Variants in ITGA6 observed in about 807,000 individuals in gnomAD.
The protein encoded by ITGA6 is integrin subunit alpha 6, also known as integrin alpha-6.
Under a neutral mutation model 133.6 loss-of-function variants are expected in ITGA6, and 63 were observed. The observed-to-expected ratio is 0.47, with a 90% CI of 0.38 to 0.58. The LOEUF is 0.58. ITGA6 is among the 20% of genes least tolerant of loss of function. ITGA6 has a pLI of 0.00. For synonymous variants in ITGA6, 434 were observed against 482.0 expected, an observed-to-expected ratio of 0.90 and a Z score of 1.30; for missense variants, 1,068 against 1,309.4, an observed-to-expected ratio of 0.82 and a Z score of 2.85.
intron 5 of ITGA6, among the ~76,000 whole-genome samples, chr2:172,473,773 T>A (rs892047127): frequency 6.6e-5 from 10 of 152,236 alleles, no homozygotes; most frequent in Non-Finnish European, 1.0e-4. Flanking sequence ...TGGAAATTGA[T>A]TCTTAAGATG....
chr2:172,462,190 C>T (rs1044704191), intron 1 of ITGA6, among the ~76,000 whole-genome samples: 4 of 152,188 alleles, frequency 2.6e-5, no homozygotes, highest in Non-Finnish European at 4.4e-5. Flanking sequence ...CGGTGGGTCC[C>T]AGGAGACCGG....
In ITGA6 at chr2:172,447,355, C is replaced by T. The variant is rs558338093; in HGVS notation, c.183-18184C>T. Reference sequence around the variant, plus strand: ...AAGTAGCTGGGATTGCAGGCGTCCACCACTATGCCCAGCTAATTTTTGTAT... The same window carrying T: ...AAGTAGCTGGGATTGCAGGCGTCCATCACTATGCCCAGCTAATTTTTGTAT... On this transcript the variant is annotated intron_variant, in intron 1 of 25. Coordinates refer to ENST00000684293, the MANE Select transcript of ITGA6 (RefSeq NM_000210.4). 3.3e-5 allele frequency among the ~76,000 whole-genome samples: 5 copies of T among 152,236 alleles called. No individual in the cohort carries two copies. The South Asian group carries it at 1.0e-3, about 32-fold the overall frequency.
chr2:172,445,627 C>T (rs1344579209), intron 1 of ITGA6, among the ~76,000 whole-genome samples: 2 of 139,704 alleles, frequency 1.4e-5, no homozygotes, highest in Non-Finnish European at 3.0e-5. Flanking sequence ...CCAGTCTGGG[C>T]GACAGAGTGA....
upstream of ITGA6, chr2:172,427,397 G>A (rs896851479): frequency 2.7e-5 from 27 of 1,016,946 alleles, 1 homozygote; most frequent in Non-Finnish European, 3.2e-5. Context: ...GCTTCGCCGC[G>A]AGCTCGCCTC....
In ITGA6 at chr2:172,467,519, G is replaced by A; in HGVS notation, c.346G>A (p.Gly116Arg). 6 of 1,613,810 alleles carry A rather than the reference G, an allele frequency of 3.7e-6. No individual in the cohort carries two copies. The highest frequency in any genetic ancestry group is 5.1e-6 in the Non-Finnish European group (6 of 1,179,794). ...AGAAAGCAAGGAAGATCAGTGGATG[G>A]GGGTCACCGTCCAGAGCCAAGGTCC... ...TSESKEDQWM[G>R]VTVQSQGPGG... The change falls in exon 3 of 26, where the codon GGG becomes AGG. Residue 116 changes from glycine to arginine, a missense_variant. Coordinates refer to ENST00000684293, the MANE Select transcript of ITGA6 (RefSeq NM_000210.4).
chr2:172,493,773 C>T (rs2149086904), intron 23 of ITGA6, among the ~76,000 whole-genome samples: 1 of 152,314 alleles, frequency 6.6e-6, no homozygotes, highest in African/African-American at 2.4e-5. Context: ...GCAAGTAGAG[C>T]TGAGACCAGA....
chr2:172,441,558 TTAAAAAAAAAAAAA>T (rs1447187022), intron 1 of ITGA6, among the ~76,000 whole-genome samples: 15 of 64,854 alleles, frequency 2.3e-4, no homozygotes, highest in African/African-American at 9.3e-4. Flanking sequence ...CGCTGTCTCT[TTAAAAAAAAAAAAA>T]AAAAAAAAAA....
intron 1 of ITGA6, chr2:172,465,326 C>A: frequency 1.6e-6 from 1 of 622,294 alleles, no homozygotes; most frequent in Non-Finnish European, 2.9e-6. Context: ...GTTTTGGTAT[C>A]CCCTCTTTGG....
rs114972543 is a variant in ITGA6, at chr2:172,459,174, C to T, written c.183-6365C>T. On this transcript the variant is annotated intron_variant, in intron 1 of 25. Transcript: ENST00000684293. ...GAGTGAAAGAGGTCCCACATAGGCTCACCATCATGCTGTTGAGAATGCCTT... is the reference window on the plus strand; with the variant it reads ...GAGTGAAAGAGGTCCCACATAGGCTTACCATCATGCTGTTGAGAATGCCTT... Among the ~76,000 whole-genome samples the T allele has an allele frequency of 5.2e-3, 797 of 152,290 alleles. 5 individuals are homozygous for T. The highest frequency in any genetic ancestry group is 0.018 in the African/African-American group (760 of 41,550).
intron 1 of ITGA6, among the ~76,000 whole-genome samples, chr2:172,438,784 A>G (rs939012031): frequency 5.9e-5 from 9 of 151,802 alleles, no homozygotes; most frequent in South Asian, 2.1e-4. Flanking sequence ...TGGACAGCAG[A>G]GGTTACCCTT....
chr2:172,444,934 G>A (rs1042070172), intron 1 of ITGA6, among the ~76,000 whole-genome samples: 1 of 151,402 alleles, frequency 6.6e-6, no homozygotes, highest in Non-Finnish European at 1.5e-5. Context: ...CAATGTAAGC[G>A]TTTAGGCATA....
rs1687512887 is a variant in ITGA6 at position 172,505,315 on chromosome 2, T to G, written c.*1247T>G. 6.6e-6 allele frequency: 1 copy of G among 152,208 alleles called. No individual in the cohort carries two copies. Among genetic ancestry groups the G allele is most frequent in the Admixed American group, 6.5e-5 (1 of 15,274 alleles). 9.4% of individuals were successfully genotyped at this position (152,208 alleles called of 1,614,324 possible). A position where few individuals can be genotyped will look rare whatever the true frequency, so the allele number is the denominator to read the frequency against. ...GGTTTACTCACTGCTGCAAATACTG[T>G]ATATTCAGGACTTGAAAGAAATGGT... On this transcript the variant is annotated 3_prime_UTR_variant, in exon 26 of 26. Transcript: ENST00000684293.
At chr2:172,428,316 C>G (rs992786694) in intron 1 of ITGA6, 64 of 156,560 alleles carry the variant, frequency 4.1e-4, no homozygotes, top group Non-Finnish European at 8.1e-4. Flanking sequence ...CTGAGCTTCA[C>G]GTGTGTGTTT....
At chr2:172,441,559 TAAAAAAAAA>T (rs57828626) in intron 1 of ITGA6, among the ~76,000 whole-genome samples, 549 of 48,840 alleles carry the variant, frequency 0.011, 14 homozygotes, top group African/African-American at 0.031. Context: ...GCTGTCTCTT[TAAAAAAAAA>T]AAAAAAAAAA....
intron 1 of ITGA6, among the ~76,000 whole-genome samples, chr2:172,448,295 G>A (rs1253967726): frequency 3.3e-5 from 5 of 152,022 alleles, no homozygotes; most frequent in African/African-American, 9.7e-5. Context: ...AAACTGGGGT[G>A]TAGTGATGTC....
chr2:172,472,926 G>GGT, intron 5 of ITGA6: 2 of 1,343,386 alleles, frequency 1.5e-6, no homozygotes, highest in Non-Finnish European at 2.1e-6. Flanking sequence ...AAATTGTCTT[G>GGT]GTTGTGGTCA....
At chr2:172,471,259 T>G (rs1019180630) in intron 5 of ITGA6, among the ~76,000 whole-genome samples, 154 bp downstream of exon 5, 1 of 152,206 alleles carries the variant, frequency 6.6e-6, no homozygotes, top group East Asian at 1.9e-4. Flanking sequence ...CTTGGTGATC[T>G]AGAGGCGTTA....
intron 1 of ITGA6, among the ~76,000 whole-genome samples, chr2:172,438,690 C>T (rs1319034804): frequency 1.3e-5 from 2 of 151,870 alleles, no homozygotes; most frequent in Non-Finnish European, 2.9e-5. Context: ...TCAGCCTTTA[C>T]TGTTAGGGTC....
chr2:172,502,061 T>A (rs1256455903), intron 25 of ITGA6, among the ~76,000 whole-genome samples, 160 bp downstream of exon 25: 1 of 152,206 alleles, frequency 6.6e-6, no homozygotes, highest in Non-Finnish European at 1.5e-5. Flanking sequence ...TTATTTCACT[T>A]GAAAGCTCAG....
Sources: gnomAD v4.1 joint callset for allele counts (sites outside exome capture counted in the v4.1 genomes callset) on GRCh38, gnomAD v4.1.1 for gene constraint, MANE v1.5 for transcripts, NCBI Gene and HGNC (gene_info 2026-07-23, HGNC 2026-07-21) for gene names.